The following URGCP variants were observed in gnomAD, a reference collection of about 807,000 sequenced individuals.
The protein encoded by URGCP is upregulator of cell proliferation, also known as up-regulator of cell proliferation.
Under a neutral mutation model 24.6 loss-of-function variants are expected in URGCP, and 13 were observed. That is an observed-to-expected ratio of 0.53 (90% confidence interval 0.34 to 0.84). The LOEUF is 0.84. Among genes scored for constraint, URGCP ranks in the 40% least tolerant of loss-of-function variants. The pLI is 0.01. For synonymous variants in URGCP, 444 were observed against 487.2 expected, an observed-to-expected ratio of 0.91 and a Z score of 1.17; for missense variants, 899 against 1,194.3, an observed-to-expected ratio of 0.75 and a Z score of 3.64.
chr7:43,884,699 T>G (rs2528396), intron 3 of URGCP, among the ~76,000 whole-genome samples: 1 of 151,972 alleles, frequency 6.6e-6, no homozygotes, highest in African/African-American at 2.4e-5. Context: ...TCGGGTGCAG[T>G]GGCTCACACC....
At chr7:43,918,647 G>A (rs776920562) in intron 1 of URGCP, 9 of 597,778 alleles carry the variant, frequency 1.5e-5, no homozygotes, top group African/African-American at 7.5e-5. Flanking sequence ...GGGCTGGCAC[G>A]CGGCAGCGTT....
In URGCP at chr7:43,913,143, G is replaced by A. The variant is rs528188260; in HGVS notation, c.-116+12989C>T. On this transcript the variant is annotated intron_variant, in intron 1 of 5. Transcript: ENST00000426198. ...TGGGATTACAGGTATGAGCCATCCC[G>A]CCCAGCCTCTCCCATACTTTTGAAG... Among the ~76,000 whole-genome samples the A allele has an allele frequency of 9.9e-5, 15 of 152,144 alleles. No homozygotes were observed. In the East Asian group the frequency reaches 1.7e-3, roughly 18 times the overall value.
At chr7:43,920,155 A>T (rs1422886806) in intron 1 of URGCP, 4 of 633,188 alleles carry the variant, frequency 6.3e-6, no homozygotes, top group Non-Finnish European at 1.1e-5. Flanking sequence ...GACCTCACAC[A>T]TCTCTTTCTC....
chr7:43,924,411 A>G (rs1026430475), intron 1 of URGCP, among the ~76,000 whole-genome samples: 4 of 152,230 alleles, frequency 2.6e-5, no homozygotes, highest in Admixed American at 6.5e-5. Flanking sequence ...TCCAAAAGTA[A>G]TATTTTTGAG....
Position 43,876,675 on chromosome 7 carries a change from G to A in URGCP, c.2788C>T (p.Arg930Trp), listed in dbSNP as rs912385232. ...NIQQLIELVRRL is the reference protein window; with the variant it reads ...NIQQLIELVRWL The stretch of plus-strand genomic sequence containing the variant: ...TGGGTTTCTCTGCACACTCACAGCC[G>A]TCTCACCAGCTCAATGAGCTGCTGG... The change falls in exon 6 of 6, where the codon CGG becomes TGG. Residue 930 changes from arginine to tryptophan, a missense_variant. Physicochemically the swap from Arg to Trp is moderately radical, Grantham distance 101 (BLOSUM62 -3). Transcript: ENST00000453200. 7 of 1,613,810 alleles carry A rather than the reference G, an allele frequency of 4.3e-6. No homozygotes were observed. Among genetic ancestry groups the A allele is most frequent in the East Asian group, 2.2e-5 (1 of 44,896 alleles).
intron 3 of URGCP, among the ~76,000 whole-genome samples, chr7:43,886,373 C>A (rs962494025): frequency 4.6e-5 from 7 of 152,044 alleles, no homozygotes; most frequent in Non-Finnish European, 1.0e-4. Flanking sequence ...TCCAATAGAA[C>A]ACTTTTTTTT....
In URGCP at chr7:43,878,557, G is replaced by A. The variant is rs375624859; in HGVS notation, c.906C>T (p.Thr302=). 1 of 1,614,204 alleles carries A rather than the reference G, an allele frequency of 6.2e-7. No individual in the cohort carries two copies. The highest frequency in any genetic ancestry group is 8.5e-7 in the Non-Finnish European group (1 of 1,180,034). Reference sequence around the variant, plus strand: ...ACCCATCCGAAATCTCCCGGGCATTGGTGCCCAAGTTGAGGTCCCGATGCC... The same window carrying A: ...ACCCATCCGAAATCTCCCGGGCATTAGTGCCCAAGTTGAGGTCCCGATGCC... ...CFWHRDLNLG[T]NAREISDGLV... is the part of the protein sequence containing the mutation. The change falls in exon 6 of 6, where the codon ACC becomes ACT. Residue 302 remains threonine, a synonymous_variant. Coordinates refer to ENST00000453200, the MANE Select transcript of URGCP (RefSeq NM_001077663.3). This position sits in a 1 kb window ranked among gnomAD's most constrained non-coding sequence, Gnocchi z 5.6.
intron 1 of URGCP, chr7:43,888,588 G>A (rs1376138050): frequency 1.3e-5 from 2 of 152,122 alleles, no homozygotes; most frequent in East Asian, 1.9e-4. Context: ...CAGGAGCCAG[G>A]GTGCTAACTA....
chr7:43,904,489 T>C (rs1474052501), intron 1 of URGCP, among the ~76,000 whole-genome samples: 7 of 152,298 alleles, frequency 4.6e-5, no homozygotes, highest in East Asian at 3.9e-4. Context: ...CTCCCTAAGA[T>C]ACCTAGTGCA....
At position 43,876,741 on chromosome 7, in the gene URGCP, C is replaced by T. The variant is rs918552051; in HGVS notation, c.2722G>A (p.Glu908Lys). The change falls in exon 6 of 6, where the codon GAA becomes AAA. Residue 908 changes from glutamate (E) to lysine (K), a missense_variant. Coordinates refer to ENST00000453200, the MANE Select transcript of URGCP (RefSeq NM_001077663.3). ...TTCGACAAGCCGTTCCTGATGTTTT[C>T]GAGTAGGCATCTCTTCAATTCAAAT... The part of the protein sequence containing the change: ...AIFELKRCLL[E>K]NIRNGLSNQN... The T allele has an allele frequency of 1.2e-6, 2 of 1,614,206 alleles. No homozygotes were observed. Among genetic ancestry groups the T allele is most frequent in the Non-Finnish European group, 1.7e-6 (2 of 1,180,048 alleles).
Position 43,876,562 on chromosome 7 carries a change from G to T in URGCP, c.*105C>A. ...TTCCTCGTCTTCTCATGTCGATTGG[G>T]CACCAGCCATTCTCAGGCACCAGAG... On this transcript the variant is annotated 3_prime_UTR_variant, in exon 6 of 6. Transcript: ENST00000453200. 7.9e-7 allele frequency: 1 copy of T among 1,267,896 alleles called. No individual in the cohort carries two copies. Among genetic ancestry groups the T allele is most frequent in the Non-Finnish European group, 1.1e-6 (1 of 909,618 alleles). 78.5% of individuals were successfully genotyped at this position (1,267,896 alleles called of 1,614,324 possible).
At chr7:43,881,865 C>G (rs1207646838) in intron 4 of URGCP, 42 bp downstream of exon 4, 8 of 1,610,138 alleles carry the variant, frequency 5.0e-6, no homozygotes, top group East Asian at 4.5e-5. Flanking sequence ...CCCACTCCCC[C>G]TCTCCCCAGT....
intron 1 of URGCP, 159 bp downstream of exon 1, chr7:43,906,403 G>T: frequency 1.2e-6 from 1 of 845,152 alleles, no homozygotes; most frequent in Non-Finnish European, 1.4e-6. Flanking sequence ...AGGTCGGCGC[G>T]AGCGGGCCGT....
intron 1 of URGCP, among the ~76,000 whole-genome samples, chr7:43,893,927 C>T (rs890208882): frequency 3.3e-5 from 5 of 151,844 alleles, no homozygotes; most frequent in Non-Finnish European, 2.9e-5. Flanking sequence ...AAATGGAAAC[C>T]AAAAGTATGC....
At chr7:43,899,873 G>A (rs1366281545) in intron 1 of URGCP, among the ~76,000 whole-genome samples, 1 of 152,182 alleles carries the variant, frequency 6.6e-6, no homozygotes, top group Non-Finnish European at 1.5e-5. Flanking sequence ...GGTGGCTCAC[G>A]CCTATAATCT....
intron 1 of URGCP, among the ~76,000 whole-genome samples, chr7:43,923,685 T>C (rs2095925324): frequency 6.6e-6 from 1 of 152,210 alleles, no homozygotes; most frequent in Non-Finnish European, 1.5e-5. Flanking sequence ...GTTATTTGTC[T>C]TTTTTATTGA....
rs1178592835 is a variant in URGCP at position 43,876,441 on chromosome 7, C to A, written c.*226G>T. 2 of 570,914 alleles carry A rather than the reference C, an allele frequency of 3.5e-6. No individual in the cohort carries two copies. The highest frequency in any genetic ancestry group is 6.2e-6 in the Non-Finnish European group (2 of 322,902). 35.4% of individuals were successfully genotyped at this position (570,914 alleles called of 1,614,324 possible). ...GAACAAACTGCTGCTTGTCTCCCTACCCTGGGGGCTGTGATATTCTTGGTA... is the reference window on the plus strand; with the variant it reads ...GAACAAACTGCTGCTTGTCTCCCTAACCTGGGGGCTGTGATATTCTTGGTA... On this transcript the variant is annotated 3_prime_UTR_variant, in exon 6 of 6. Coordinates refer to ENST00000453200, the MANE Select transcript of URGCP (RefSeq NM_001077663.3).
intron 1 of URGCP, among the ~76,000 whole-genome samples, chr7:43,894,344 TTTTTAAA>T (rs1484143457): frequency 6.6e-6 from 1 of 152,058 alleles, no homozygotes; most frequent in Non-Finnish European, 1.5e-5. Flanking sequence ...ATCAACAAAT[TTTTTAAA>T]TTTTAATTTA....
chr7:43,894,014 G>A (rs570234849), intron 1 of URGCP, among the ~76,000 whole-genome samples: 81 of 152,260 alleles, frequency 5.3e-4, no homozygotes, highest in Non-Finnish European at 1.0e-3. Flanking sequence ...TAATGATAAA[G>A]GGATCAATTC....
Sources: gnomAD v4.1 joint callset for allele counts (sites outside exome capture counted in the v4.1 genomes callset) on GRCh38, gnomAD v4.1.1 for gene constraint, Gnocchi (gnomAD v3.1) non-coding constraint, MANE v1.5 for transcripts, NCBI Gene and HGNC (gene_info 2026-07-23, HGNC 2026-07-21) for gene names.